Variants in CUBN observed in about 807,000 individuals in gnomAD.
The protein encoded by CUBN is 460 kDa receptor.
A neutral mutation model predicts 405.3 loss-of-function variants in CUBN; 282 were observed. The observed-to-expected ratio is 0.70, with a 90% CI of 0.63 to 0.77. The LOEUF is 0.77. Among genes scored for constraint, CUBN ranks in the 30% least tolerant of loss-of-function variants. The pLI is 0.00. For missense variants in CUBN, 4,514 were observed against 4,475.2 expected (o/e 1.01, Z -0.25); for synonymous variants, 1,684 against 1,617.0 (o/e 1.04, Z -0.99).
intron 14 of CUBN, among the ~76,000 whole-genome samples, chr10:17,092,597 A>T (rs944169158): frequency 6.6e-6 from 1 of 152,158 alleles, no homozygotes; most frequent in Non-Finnish European, 1.5e-5. Context: ...GGTCGTCCTC[A>T]CTGCTCACTA....
At chr10:17,003,835 A>G (rs1394755859) in intron 28 of CUBN, among the ~76,000 whole-genome samples, 1 of 152,162 alleles carries the variant, frequency 6.6e-6, no homozygotes, top group Non-Finnish European at 1.5e-5. Flanking sequence ...AGGACCCAGA[A>G]TGGTCCCCTG....
chr10:16,916,043 A>T lies in CUBN; in HGVS notation c.7001-13T>A, dbSNP rs1841874922. On this transcript the variant is annotated splice_polypyrimidine_tract_variant and intron_variant, in intron 45 of 66. Coordinates refer to ENST00000377833, the MANE Select transcript of CUBN (RefSeq NM_001081.4). ...CCCCCACACTGAGCTGCAAAAAATA[A>T]AAATAAATAAATAAATAAGAAAGCA... 2 of 1,607,612 alleles carry T rather than the reference A, an allele frequency of 1.2e-6. No homozygotes were observed. Among genetic ancestry groups the T allele is most frequent in the Non-Finnish European group, 8.5e-7 (1 of 1,175,720 alleles).
intron 51 of CUBN, 91 bp downstream of exon 51, chr10:16,903,875 T>C: frequency 1.0e-6 from 1 of 954,958 alleles, no homozygotes; most frequent in Non-Finnish European, 1.5e-6. Context: ...TATGTAGAAA[T>C]AAATCTAACA....
chr10:16,987,295 A>C (rs1208898813), intron 29 of CUBN, among the ~76,000 whole-genome samples: 1 of 152,258 alleles, frequency 6.6e-6, no homozygotes, highest in Non-Finnish European at 1.5e-5. Context: ...ATTTCAGGGC[A>C]TGGTTCATTC....
chr10:16,842,204 C>T (rs1237264607), intron 60 of CUBN, among the ~76,000 whole-genome samples: 2 of 151,902 alleles, frequency 1.3e-5, no homozygotes, highest in African/African-American at 4.8e-5. Context: ...GCCACCATGC[C>T]TAGCTAATTA....
At chr10:17,065,384 T>A in intron 22 of CUBN, 124 bp downstream of exon 22, 4 of 1,239,236 alleles carry the variant, frequency 3.2e-6, no homozygotes, top group Non-Finnish European at 4.7e-6. Context: ...CTACCCTTTA[T>A]TCTAAATATA....
At chr10:16,941,369 C>T (rs923196211) in intron 36 of CUBN, among the ~76,000 whole-genome samples, 6 of 152,080 alleles carry the variant, frequency 3.9e-5, no homozygotes, top group African/African-American at 1.4e-4. Context: ...CTTAATATTT[C>T]TCAAGGATGT....
intron 59 of CUBN, 51 bp downstream of exon 59, chr10:16,869,585 G>T: frequency 7.1e-6 from 9 of 1,264,220 alleles, no homozygotes; most frequent in South Asian, 1.2e-5. Context: ...ATTAAATAAA[G>T]CAGAAAGGTA....
chr10:16,874,122 CA>C (rs925082589), intron 58 of CUBN, among the ~76,000 whole-genome samples: 5 of 152,308 alleles, frequency 3.3e-5, no homozygotes, highest in Middle Eastern at 3.4e-3. Flanking sequence ...TGCTCCTTCA[CA>C]ATTGTTGGGA....
intron 6 of CUBN, chr10:17,121,933 A>G (rs553783975): frequency 6.6e-6 from 1 of 152,326 alleles, no homozygotes; most frequent in African/African-American, 2.4e-5. Flanking sequence ...AAATCACAAA[A>G]TAAAAGAGAC....
intron 49 of CUBN, among the ~76,000 whole-genome samples, 170 bp downstream of exon 49, chr10:16,907,338 T>A (rs1293176234): frequency 6.6e-6 from 1 of 152,212 alleles, no homozygotes; most frequent in Non-Finnish European, 1.5e-5. Context: ...CAGAAAGCTT[T>A]TTTTCTGTCT....
At chr10:17,096,598 AT>A (rs952523094) in intron 14 of CUBN, among the ~76,000 whole-genome samples, 4 of 152,144 alleles carry the variant, frequency 2.6e-5, no homozygotes, top group East Asian at 1.9e-4. Flanking sequence ...TAAAGCAAAT[AT>A]TTTTTTAAAT....
At chr10:16,923,712 A>G (rs1842103235) in intron 43 of CUBN, among the ~76,000 whole-genome samples, 1 of 152,176 alleles carries the variant, frequency 6.6e-6, no homozygotes, top group Non-Finnish European at 1.5e-5. Flanking sequence ...TGTCAAACAC[A>G]CCCTTAGTGT....
chr10:17,034,548 A>T (rs1834853978), intron 27 of CUBN, among the ~76,000 whole-genome samples: 1 of 152,178 alleles, frequency 6.6e-6, no homozygotes, highest in African/African-American at 2.4e-5. Flanking sequence ...GTGCTGGACC[A>T]GGGGCTTGTG....
At chr10:16,875,236 C>T (rs1051098371) in intron 57 of CUBN, among the ~76,000 whole-genome samples, 1 of 152,022 alleles carries the variant, frequency 6.6e-6, no homozygotes, top group Non-Finnish European at 1.5e-5. Flanking sequence ...AAACGACAGA[C>T]ATAAAAATGT....
At chr10:16,835,871 AT>A (rs1170499361) in intron 63 of CUBN, among the ~76,000 whole-genome samples, 3 of 152,148 alleles carry the variant, frequency 2.0e-5, no homozygotes, top group Non-Finnish European at 2.9e-5. Context: ...TGAGAATTAT[AT>A]TTTGATAAAG....
intron 22 of CUBN, among the ~76,000 whole-genome samples, chr10:17,048,987 CT>C (rs1835200189): frequency 6.6e-6 from 1 of 152,182 alleles, no homozygotes; most frequent in African/African-American, 2.4e-5. Flanking sequence ...GCAATCAAGG[CT>C]TTACTTTATT....
chr10:17,099,873 T>C, intron 14 of CUBN, 132 bp downstream of exon 14: 1 of 346,198 alleles, frequency 2.9e-6, no homozygotes, highest in East Asian at 6.1e-5. Context: ...ATGAATAAAA[T>C]AAAATAAATT....
At chr10:16,989,702 C>G (rs553302496) in intron 29 of CUBN, among the ~76,000 whole-genome samples, 1 of 152,100 alleles carries the variant, frequency 6.6e-6, no homozygotes, top group Admixed American at 6.5e-5. Context: ...AAGACACACC[C>G]TTCGCAGAAG....
Sources: gnomAD v4.1 joint callset for allele counts (sites outside exome capture counted in the v4.1 genomes callset) on GRCh38, gnomAD v4.1.1 for gene constraint, MANE v1.5 for transcripts, NCBI Gene and HGNC (gene_info 2026-07-23, HGNC 2026-07-21) for gene names.